Variants in CREB5 observed in about 807,000 individuals in gnomAD.
CREB5 encodes the protein cAMP responsive element binding protein 5.
In CREB5, 19 loss-of-function variants were observed where a neutral mutation model predicts 57.1. The ratio of observed to expected loss-of-function variants is 0.33; its 90% CI spans 0.23 to 0.49. The LOEUF (loss-of-function observed/expected upper bound fraction) is 0.49. Ranked by LOEUF, CREB5 falls within the 20% of genes least tolerant of loss-of-function variation. The pLI, the probability that CREB5 is intolerant of heterozygous loss-of-function variation, is 0.99. For missense variants in CREB5, 579 were observed against 671.6 expected (o/e 0.86, Z 1.52); for synonymous variants, 238 against 238.3 (o/e 1.00, Z 0.01).
chr7:28,592,278 C>T (rs550398091), intron 5 of CREB5, among the ~76,000 whole-genome samples: 1 of 152,278 alleles, frequency 6.6e-6, no homozygotes, highest in South Asian at 2.1e-4. Flanking sequence ...AAAACCAGAG[C>T]AGCAATAAAG....
intron 1 of CREB5, among the ~76,000 whole-genome samples, chr7:28,363,801 C>A (rs1786534248): frequency 6.6e-6 from 1 of 152,196 alleles, no homozygotes; most frequent in South Asian, 2.1e-4. Flanking sequence ...CTTAATCTCT[C>A]TGAAACCCTT....
chr7:28,316,835 C>T (rs1785393781), intron 1 of CREB5, among the ~76,000 whole-genome samples: 1 of 151,976 alleles, frequency 6.6e-6, no homozygotes, highest in Non-Finnish European at 1.5e-5. Context: ...GTATATGGTA[C>T]ATGGCAGCTG....
chr7:28,382,329 G>C (rs950834914), intron 1 of CREB5, among the ~76,000 whole-genome samples: 10 of 152,156 alleles, frequency 6.6e-5, no homozygotes, highest in Non-Finnish European at 4.4e-5. Flanking sequence ...ACCCGGGGCA[G>C]TCCAGTCATT....
intron 4 of CREB5, among the ~76,000 whole-genome samples, chr7:28,560,825 C>CGCGCGTGTGT (rs1795083600): frequency 2.7e-5 from 1 of 37,566 alleles, no homozygotes; most frequent in Admixed American, 2.8e-4. Flanking sequence ...TGTGTGTGCG[C>CGCGCGTGTGT]GCGCGCGCGT....
chr7:28,348,406 T>TCACACACA (rs1300372973), intron 1 of CREB5, among the ~76,000 whole-genome samples: 18 of 32,040 alleles, frequency 5.6e-4, no homozygotes, highest in African/African-American at 1.7e-3. Context: ...TGTCTCTCTC[T>TCACACACA]CTCACACACA....
intron 5 of CREB5, among the ~76,000 whole-genome samples, chr7:28,674,348 A>G (rs1258348461): frequency 6.6e-6 from 1 of 152,180 alleles, no homozygotes; most frequent in Non-Finnish European, 1.5e-5. Flanking sequence ...GATGTCTAAC[A>G]AATGTGTACT....
chr7:28,362,301 T>C (rs1244202668), intron 1 of CREB5, among the ~76,000 whole-genome samples: 1 of 152,242 alleles, frequency 6.6e-6, no homozygotes, highest in Non-Finnish European at 1.5e-5. Flanking sequence ...AATTAATTAA[T>C]ACTTATTTTT....
chr7:28,327,941 C>T (rs535565225), intron 1 of CREB5, among the ~76,000 whole-genome samples: 1 of 152,330 alleles, frequency 6.6e-6, no homozygotes, highest in South Asian at 2.1e-4. Flanking sequence ...GTTCAGACCC[C>T]TTATTACATT....
chr7:28,700,184 C>T (rs1801775434), intron 5 of CREB5, among the ~76,000 whole-genome samples: 1 of 152,148 alleles, frequency 6.6e-6, no homozygotes, highest in Non-Finnish European at 1.5e-5. Flanking sequence ...ACAGTAAGCT[C>T]TGCCTGGAGC....
intron 1 of CREB5, among the ~76,000 whole-genome samples, chr7:28,324,248 C>G (rs969488853): frequency 2.0e-5 from 3 of 152,112 alleles, no homozygotes; most frequent in Admixed American, 1.3e-4. Context: ...AGCTTCTGCT[C>G]CATTTCTCTG....
intron 5 of CREB5, among the ~76,000 whole-genome samples, chr7:28,670,889 T>G (rs1800010110): frequency 6.6e-6 from 1 of 151,906 alleles, no homozygotes; most frequent in Admixed American, 6.6e-5. Flanking sequence ...AGAGACAGGG[T>G]CTCACTATGT....
intron 4 of CREB5, among the ~76,000 whole-genome samples, chr7:28,514,597 G>C (rs977698955): frequency 2.6e-5 from 4 of 152,060 alleles, no homozygotes; most frequent in Non-Finnish European, 5.9e-5. Flanking sequence ...GGATTTCACC[G>C]TGTTAGTCAG....
At chr7:28,306,599 C>G (rs957604543) in intron 1 of CREB5, among the ~76,000 whole-genome samples, 1 of 113,704 alleles carries the variant, frequency 8.8e-6, no homozygotes, top group Non-Finnish European at 1.6e-5. Flanking sequence ...CTCGCTCTGT[C>G]GCCCAGGCTG....
At chr7:28,478,043 G>C (rs2128587766) in intron 1 of CREB5, among the ~76,000 whole-genome samples, 1 of 152,276 alleles carries the variant, frequency 6.6e-6, no homozygotes, top group East Asian at 1.9e-4. Context: ...TTGAGCCCTG[G>C]AGTTTGAGGC....
At chr7:28,412,944 TA>T in intron 1 of CREB5, 27 bp downstream of exon 1, 1 of 1,411,478 alleles carries the variant, frequency 7.1e-7, no homozygotes. Context: ...TTATGCATAT[TA>T]AACAGAGAGA....
chr7:28,680,992 C>T (rs12113964), intron 5 of CREB5, among the ~76,000 whole-genome samples: 37,651 of 151,940 alleles, frequency 0.25, 4,804 homozygotes, highest in African/African-American at 0.29. Flanking sequence ...TTCCAATTTC[C>T]CTGGGTGCCT....
chr7:28,586,150 T>C (rs1170021480), intron 5 of CREB5, among the ~76,000 whole-genome samples: 1 of 152,160 alleles, frequency 6.6e-6, no homozygotes, highest in Admixed American at 6.5e-5. Context: ...CTGAGTTGGT[T>C]TGAAGGGACA....
chr7:28,618,812 GACTT>G (rs1797687177), intron 5 of CREB5, among the ~76,000 whole-genome samples: 1 of 152,112 alleles, frequency 6.6e-6, no homozygotes. Context: ...GAATATAAAT[GACTT>G]ACTTTCTCGA....
chr7:28,495,024 C>G (rs777192547), intron 3 of CREB5, 25 bp downstream of exon 3: 4 of 1,535,116 alleles, frequency 2.6e-6, no homozygotes, highest in Admixed American at 4.1e-5. Flanking sequence ...GGAAAAGAAG[C>G]TTTGGGTGAT....
Sources: allele counts gnomAD v4.1 joint callset (sites outside exome capture counted in the v4.1 genomes callset), GRCh38; gene constraint gnomAD v4.1.1; transcripts MANE v1.5; gene names NCBI Gene and HGNC (gene_info 2026-07-23, HGNC 2026-07-21).